The following KRI1 variants were observed in gnomAD, a reference collection of about 807,000 sequenced individuals.
KRI1 encodes the protein protein KRI1 homolog.
Under a neutral mutation model 97.0 loss-of-function variants are expected in KRI1, and 83 were observed. That is an observed-to-expected ratio of 0.86 (90% CI 0.72 to 1.03). The LOEUF (loss-of-function observed/expected upper bound fraction) is 1.03, where lower values mean the gene tolerates loss of function less well. Ranked by LOEUF, KRI1 falls within the 50% of genes least tolerant of loss-of-function variation. KRI1 has a pLI of 0.00. For synonymous variants in KRI1, 371 were observed against 363.5 expected, an observed-to-expected ratio of 1.02 and a Z score of -0.23; for missense variants, 916 against 928.4, an observed-to-expected ratio of 0.99 and a Z score of 0.17.
chr19:10,560,962 C>T lies in KRI1; in HGVS notation c.663+41G>A, dbSNP rs375454022. 13 of 1,477,030 alleles carry T rather than the reference C, an allele frequency of 8.8e-6. No individual in the cohort carries two copies. In the South Asian group the frequency reaches 1.0e-4, roughly 12 times the overall value. The allele number at this position is 1,477,030 out of a possible 1,614,324, so 91.5% of individuals were successfully genotyped here. A position where few individuals can be genotyped will look rare whatever the true frequency, so the allele number is the denominator to read the frequency against. ...GTAAATAGGTTGGATGGACGCGGAA[C>T]ACGCGGTCTACTCCATCAGCGACCA... On this transcript the variant is annotated intron_variant, in intron 8 of 18. Transcript: ENST00000312962.
At chr19:10,565,554 A>C in intron 2 of KRI1, 163 bp downstream of exon 2, 1 of 844,424 alleles carries the variant, frequency 1.2e-6, no homozygotes, top group Non-Finnish European at 1.7e-6. Context: ...TCCCCTGGGG[A>C]GAGGGGGGGC....
rs952180967 is a variant in KRI1, at chr19:10,559,736, G to A, written c.928-28C>T. ...AGGCGCAATCAGAAAAGCCCACAAG[G>A]GCCGCAGAGATGATGTGGGGTTCCC... On this transcript the variant is annotated intron_variant, in intron 10 of 18. Coordinates refer to ENST00000312962, the MANE Select transcript of KRI1 (RefSeq NM_023008.5). 4.3e-6 allele frequency: 7 copies of A among 1,613,940 alleles called. No homozygotes were observed. The African/African-American group carries it at 6.7e-5, about 15-fold the overall frequency.
At position 10,553,809 on chromosome 19, in the gene KRI1, G is replaced by C. The variant is rs539582673; in HGVS notation, c.*142C>G. 1 of 711,018 alleles carries C rather than the reference G, an allele frequency of 1.4e-6. No individual in the cohort carries two copies. 44.0% of individuals were successfully genotyped at this position (711,018 alleles called of 1,614,324 possible). On this transcript the variant is annotated 3_prime_UTR_variant, in exon 19 of 19. Transcript: ENST00000312962. The stretch of plus-strand genomic sequence containing the variant: ...TGGGCTCAAGTGATCCTTTCACCTC[G>C]GCCTCCCAAAGTGCTGGGATTACAG...
intron 18 of KRI1, 137 bp downstream of exon 18, chr19:10,554,950 T>C (rs1916450463): frequency 1.5e-6 from 1 of 650,666 alleles, no homozygotes; most frequent in Non-Finnish European, 2.7e-6. Context: ...TTGGTGCCCA[T>C]ATAGGATTCG....
At chr19:10,562,931 G>T (rs964871892) in intron 3 of KRI1, 94 bp from the exon 4 acceptor site, 22 of 766,634 alleles carry the variant, frequency 2.9e-5, no homozygotes, top group Middle Eastern at 2.3e-4. Context: ...TTAGACAGAG[G>T]ATTCAAATCC....
At chr19:10,557,928 C>A in intron 14 of KRI1, 33 bp from the exon 15 acceptor site, 2 of 1,613,772 alleles carry the variant, frequency 1.2e-6, no homozygotes, top group East Asian at 2.2e-5. Context: ...TCCCACCAGC[C>A]CCCCGTCAGG....
intron 2 of KRI1, chr19:10,565,451 A>C: frequency 1.8e-6 from 1 of 543,188 alleles, no homozygotes; most frequent in Non-Finnish European, 3.2e-6. Context: ...ATGAAAGAGG[A>C]AAGGGGGGGT....
At chr19:10,556,712 T>G (rs1916511203) in intron 16 of KRI1, among the ~76,000 whole-genome samples, 1 of 151,982 alleles carries the variant, frequency 6.6e-6, no homozygotes, top group Non-Finnish European at 1.5e-5. Flanking sequence ...TAATATTGGC[T>G]GGGTGTGGTG....
chr19:10,560,274 A>G, intron 9 of KRI1, 38 bp downstream of exon 9: 1 of 1,555,016 alleles, frequency 6.4e-7, no homozygotes, highest in Non-Finnish European at 8.7e-7. Context: ...CATGAAGCGC[A>G]CCCAAAATCT....
At position 10,554,120 on chromosome 19, in the gene KRI1, TTC is replaced by T; in HGVS notation, c.1941_1942del (p.Lys648AlafsTer97). 1 of 1,614,156 alleles carries T rather than the reference TTC, an allele frequency of 6.2e-7. No homozygotes were observed. The highest frequency in any genetic ancestry group is 8.5e-7 in the Non-Finnish European group (1 of 1,180,026). Reference sequence around the variant, plus strand: ...CCGTGCCTTCTTGGCCCTCCTCCGCTTCTGGGGGGCTGGCTTCTTGTGGGGTG... The same window carrying T: ...CCGTGCCTTCTTGGCCCTCCTCCGCTTGGGGGGCTGGCTTCTTGTGGGGTG... On this transcript the variant is annotated frameshift_variant, in exon 19 of 19. Transcript: ENST00000312962. LOFTEE classifies it high-confidence loss of function.
chr19:10,565,860 C>A, intron 1 of KRI1, 46 bp downstream of exon 1: 1 of 1,537,036 alleles, frequency 6.5e-7, no homozygotes, highest in Non-Finnish European at 8.8e-7. Flanking sequence ...CACTTCCCAA[C>A]CGGCCGGCGC....
At chr19:10,563,701 G>A (rs1446919823) in intron 3 of KRI1, among the ~76,000 whole-genome samples, 1 of 152,056 alleles carries the variant, frequency 6.6e-6, no homozygotes, top group East Asian at 1.9e-4. Context: ...TCTTGCTCAG[G>A]CTGGAGTGCA....
At position 10,557,508 on chromosome 19, in the gene KRI1, ACCTGGTGCCCCCTGCAGTGTCCCTGCCTG is replaced by A. The variant is rs755547586; in HGVS notation, c.1617+15_1617+43del. The stretch of plus-strand genomic sequence containing the variant: ...GGCCAGCTTTCTACCCCTTCGGCAT[ACCTGGTGCCCCCTGCAGTGTCCCTGCCTG>A]CCCGGGGCCCCTACCTCCTCAGTGC... On this transcript the variant is annotated intron_variant, in intron 16 of 18. Transcript: ENST00000312962. The A allele has an allele frequency of 4.4e-6, 7 of 1,588,226 alleles. No homozygotes were observed. The highest frequency in any genetic ancestry group is 1.7e-5 in the Admixed American group (1 of 58,408).
rs772190619 is a variant in KRI1, at chr19:10,557,675, CTT to C, written c.1492_1493del (p.Lys498AspfsTer8). ...QEKPVFEPGDKTFEEYLDEYY... is the reference protein window; with the variant it reads ...QEKPVFEPGDXTFEEYLDEYY... ...ACTCATCCAGGTACTCCTCGAACGT[CTT>C]GTCCCCTGCTCGAGACAGAGCCAGG... On this transcript the variant is annotated frameshift_variant, in exon 16 of 19. Transcript: ENST00000312962. LOFTEE classifies it high-confidence loss of function. The C allele has an allele frequency of 4.3e-6, 7 of 1,614,220 alleles. No individual in the cohort carries two copies. The highest frequency in any genetic ancestry group is 5.9e-6 in the Non-Finnish European group (7 of 1,180,028).
intron 16 of KRI1, among the ~76,000 whole-genome samples, 167 bp downstream of exon 16, chr19:10,557,385 G>A (rs1916533556): frequency 6.6e-6 from 1 of 152,088 alleles, no homozygotes; most frequent in South Asian, 2.1e-4. Flanking sequence ...GCGATTACAG[G>A]CATGAGCCAC....
At chr19:10,564,146 CAAAAAAA>C (rs144396358) in intron 3 of KRI1, among the ~76,000 whole-genome samples, 7 of 96,336 alleles carry the variant, frequency 7.3e-5, no homozygotes, top group Admixed American at 2.5e-4. Context: ...AACTCCGTCT[CAAAAAAA>C]AAAAAAGAAA....
In KRI1 at chr19:10,560,405, C is replaced by T. The variant is rs752802554; in HGVS notation, c.707G>A (p.Gly236Glu). ...EYWNDPELDE[G>E]ERFLRDYILN... Reference sequence around the variant, plus strand: ...GATGTAATCCCGCAGGAACCGCTCCCCTTCATCCAACTCAGGGTCGTTCCA... The same window carrying T: ...GATGTAATCCCGCAGGAACCGCTCCTCTTCATCCAACTCAGGGTCGTTCCA... Residue 236 changes from glycine (G) to glutamate (E), a missense_variant, in exon 9 of 19, where the codon GGG (glycine) becomes GAG (glutamate). Physicochemically the swap from Gly to Glu is moderately conservative, Grantham distance 98 (BLOSUM62 -2). This residue lies in a region of KRI1 where 672 missense variants were observed against 667.2 expected (regional missense o/e 1.01). Transcript: ENST00000312962. 3 of 1,614,008 alleles carry T rather than the reference C, an allele frequency of 1.9e-6. No homozygotes were observed. The highest frequency in any genetic ancestry group is 1.1e-5 in the South Asian group (1 of 91,070).
In KRI1 at chr19:10,555,394, G is replaced by A. The variant is rs1024614507; in HGVS notation, c.1618-45C>T. ...GGGGACCTGCTGTGATATTGCCCAGGCGGGGCCTTCCCTGAGCCTAAGTCA... is the reference window on the plus strand; with the variant it reads ...GGGGACCTGCTGTGATATTGCCCAGACGGGGCCTTCCCTGAGCCTAAGTCA... On this transcript the variant is annotated intron_variant, in intron 16 of 18. Transcript: ENST00000312962. 7 of 1,603,142 alleles carry A rather than the reference G, an allele frequency of 4.4e-6. No homozygotes were observed. The East Asian group carries it at 1.6e-4, about 36-fold the overall frequency.
At position 10,561,154 on chromosome 19, in the gene KRI1, G is replaced by A. The variant is rs1488592364; in HGVS notation, c.585+15C>T. The A allele has an allele frequency of 6.2e-7, 1 of 1,613,464 alleles. No individual in the cohort carries two copies. The highest frequency in any genetic ancestry group is 2.2e-5 in the East Asian group (1 of 44,888). ...ACCCTGTCCCCCAGCAGTCCAGTCAGGCCCCAGTACCCACCTTCTCCTGCC... is the reference window on the plus strand; with the variant it reads ...ACCCTGTCCCCCAGCAGTCCAGTCAAGCCCCAGTACCCACCTTCTCCTGCC... On this transcript the variant is annotated intron_variant, in intron 7 of 18. Transcript: ENST00000312962.
Sources: allele counts gnomAD v4.1 joint callset (sites outside exome capture counted in the v4.1 genomes callset), GRCh38; gene constraint gnomAD v4.1.1; regional missense constraint gnomAD v4.1.1; transcripts MANE v1.5; gene names NCBI Gene and HGNC (gene_info 2026-07-23, HGNC 2026-07-21).